The following ADAM23 variants were observed in gnomAD, a reference collection of about 807,000 sequenced individuals.
ADAM23 encodes ADAM metallopeptidase domain 23.
Under a neutral mutation model 120.1 loss-of-function variants are expected in ADAM23, and 33 were observed. The ratio of observed to expected loss-of-function variants is 0.27; its 90% CI spans 0.21 to 0.37. The LOEUF is 0.37. ADAM23 is among the 10% of genes least tolerant of loss of function. The pLI, the probability that ADAM23 is intolerant of heterozygous loss-of-function variation, is 1.00. For missense variants in ADAM23, 862 were observed against 1,058.2 expected (o/e 0.81, Z 2.57); for synonymous variants, 367 against 375.2 (o/e 0.98, Z 0.25).
At chr2:206,615,641 C>T (rs1034073458) in intron 25 of ADAM23, among the ~76,000 whole-genome samples, 1 of 152,142 alleles carries the variant, frequency 6.6e-6, no homozygotes, top group African/African-American at 2.4e-5. Context: ...CTGGAATGCC[C>T]CATTGGTGTT....
intron 14 of ADAM23, among the ~76,000 whole-genome samples, chr2:206,566,185 TATA>T (rs1242219085): frequency 2.7e-5 from 4 of 148,788 alleles, no homozygotes; most frequent in South Asian, 2.1e-4. Context: ...ATATATAACA[TATA>T]ATATCTTTAA....
intron 3 of ADAM23, among the ~76,000 whole-genome samples, chr2:206,525,315 A>T (rs1696921580): frequency 6.6e-6 from 1 of 152,142 alleles, no homozygotes; most frequent in Non-Finnish European, 1.5e-5. Flanking sequence ...GCTTAATACA[A>T]AATTTCAGAG....
At chr2:206,609,706 C>T (rs1337643836) in intron 24 of ADAM23, 1 of 507,392 alleles carries the variant, frequency 2.0e-6, no homozygotes, top group Non-Finnish European at 3.4e-6. Flanking sequence ...GGTGCAGAAA[C>T]TTTAGATTTA....
At chr2:206,450,502 A>G (rs1420192502) in intron 2 of ADAM23, among the ~76,000 whole-genome samples, 1 of 152,184 alleles carries the variant, frequency 6.6e-6, no homozygotes, top group African/African-American at 2.4e-5. Flanking sequence ...TTCATGTTAT[A>G]ATCAAACTAA....
At chr2:206,558,844 A>G (rs566088806) in intron 10 of ADAM23, among the ~76,000 whole-genome samples, 2 of 152,364 alleles carry the variant, frequency 1.3e-5, no homozygotes, top group South Asian at 2.1e-4. Flanking sequence ...TTGTAAAGTC[A>G]TTATATAATA....
intron 25 of ADAM23, among the ~76,000 whole-genome samples, chr2:206,614,061 T>A (rs1574567589): frequency 6.6e-6 from 1 of 152,188 alleles, no homozygotes; most frequent in Non-Finnish European, 1.5e-5. Flanking sequence ...CACGTCTTAC[T>A]CTCCCGCTAC....
chr2:206,592,607 A>T lies in ADAM23; in HGVS notation c.1959-10A>T. ...TGTCTGGTCTGTTTGTTTTCTTTAC[A>T]CATGTTCAGTGATGTGTTCTGTGGA... is the stretch of plus-strand genomic sequence containing the variant. On this transcript the variant is annotated splice_polypyrimidine_tract_variant and intron_variant, in intron 21 of 25. Coordinates refer to ENST00000264377, the MANE Select transcript of ADAM23 (RefSeq NM_003812.4). The T allele has an allele frequency of 6.2e-7, 1 of 1,613,092 alleles. No homozygotes were observed. The highest frequency in any genetic ancestry group is 1.1e-5 in the South Asian group (1 of 90,852).
At chr2:206,497,500 T>C (rs1156618999) in intron 3 of ADAM23, among the ~76,000 whole-genome samples, 1 of 152,092 alleles carries the variant, frequency 6.6e-6, no homozygotes, top group African/African-American at 2.4e-5. Context: ...ATGGGACATA[T>C]CTCAAAATAA....
At chr2:206,504,187 A>C (rs1359726475) in intron 3 of ADAM23, among the ~76,000 whole-genome samples, 1 of 152,128 alleles carries the variant, frequency 6.6e-6, no homozygotes, top group Non-Finnish European at 1.5e-5. Context: ...AAAATCCTCT[A>C]TAATATGTTA....
At chr2:206,499,586 A>G (rs1354461208) in intron 3 of ADAM23, among the ~76,000 whole-genome samples, 1 of 151,966 alleles carries the variant, frequency 6.6e-6, no homozygotes, top group Non-Finnish European at 1.5e-5. Context: ...ACATGTATAC[A>G]TATGTAACAA....
intron 14 of ADAM23, 148 bp downstream of exon 14, chr2:206,565,216 G>T (rs773387654): frequency 4.3e-6 from 3 of 696,488 alleles, no homozygotes; most frequent in South Asian, 2.6e-5. Flanking sequence ...TAAACTGAAA[G>T]ATCTAATTTA....
intron 15 of ADAM23, among the ~76,000 whole-genome samples, chr2:206,569,256 T>G (rs1176330436): frequency 6.6e-6 from 1 of 152,200 alleles, no homozygotes; most frequent in Non-Finnish European, 1.5e-5. Flanking sequence ...TCTGAAATTG[T>G]CTATGAGTTA....
intron 3 of ADAM23, among the ~76,000 whole-genome samples, chr2:206,509,733 G>A (rs1696582957): frequency 6.6e-6 from 1 of 152,236 alleles, no homozygotes; most frequent in South Asian, 2.1e-4. Flanking sequence ...ACAGGTGTGA[G>A]CCACTGCGCC....
At chr2:206,484,103 T>A (rs2105880110) in intron 3 of ADAM23, among the ~76,000 whole-genome samples, 1 of 152,144 alleles carries the variant, frequency 6.6e-6, no homozygotes, top group Non-Finnish European at 1.5e-5. Context: ...GGGAATGAGA[T>A]CAAAGCCCAA....
At chr2:206,609,467 G>A (rs937709905) in intron 24 of ADAM23, among the ~76,000 whole-genome samples, 2 of 152,146 alleles carry the variant, frequency 1.3e-5, no homozygotes, top group South Asian at 4.1e-4. Context: ...CCACTTTTAG[G>A]TGCTTTTTGG....
intron 3 of ADAM23, among the ~76,000 whole-genome samples, chr2:206,522,608 T>C (rs920551126): frequency 1.3e-5 from 2 of 152,186 alleles, no homozygotes; most frequent in Non-Finnish European, 2.9e-5. Flanking sequence ...TTCTCTGCAA[T>C]TTCTCTATGT....
intron 2 of ADAM23, among the ~76,000 whole-genome samples, chr2:206,464,378 C>G (rs1273124771): frequency 1.3e-5 from 2 of 152,014 alleles, no homozygotes; most frequent in African/African-American, 2.4e-5. Context: ...AGTTTGAGAC[C>G]AGCCTGGCCA....
At chr2:206,542,648 CT>C (rs1175608478) in intron 5 of ADAM23, among the ~76,000 whole-genome samples, 3 of 152,156 alleles carry the variant, frequency 2.0e-5, no homozygotes, top group Non-Finnish European at 4.4e-5. Flanking sequence ...CATATAAAGA[CT>C]TAGTTTCGGC....
At chr2:206,590,773 C>T (rs904382350) in intron 21 of ADAM23, among the ~76,000 whole-genome samples, 2 of 152,152 alleles carry the variant, frequency 1.3e-5, no homozygotes, top group Non-Finnish European at 2.9e-5. Flanking sequence ...TGTTGATCCT[C>T]AGTCCTCGAG....
Sources: allele counts gnomAD v4.1 joint callset (sites outside exome capture counted in the v4.1 genomes callset), GRCh38; gene constraint gnomAD v4.1.1; transcripts MANE v1.5; gene names NCBI Gene and HGNC (gene_info 2026-07-23, HGNC 2026-07-21).